The following FMN1 variants were observed in gnomAD, a reference collection of about 807,000 sequenced individuals.
FMN1 encodes formin 1.
A neutral mutation model predicts 132.4 loss-of-function variants in FMN1; 110 were observed. That is an observed-to-expected ratio of 0.83 (90% CI 0.71 to 0.97). The LOEUF (loss-of-function observed/expected upper bound fraction) is 0.97. Among genes scored for constraint, FMN1 ranks in the 50% least tolerant of loss-of-function variants. The pLI is 0.00. For synonymous variants in FMN1, 722 were observed against 651.7 expected, an observed-to-expected ratio of 1.11 and a Z score of -1.64; for missense variants, 1,792 against 1,705.3, an observed-to-expected ratio of 1.05 and a Z score of -0.90.
chr15:33,123,439 A>C (rs1962755988), intron 4 of FMN1, among the ~76,000 whole-genome samples: 1 of 152,210 alleles, frequency 6.6e-6, no homozygotes, highest in South Asian at 2.1e-4. Context: ...ACATGGCACT[A>C]AGCTAAGACT....
intron 19 of FMN1, among the ~76,000 whole-genome samples, chr15:32,795,754 C>T (rs1261026648): frequency 1.3e-5 from 2 of 152,202 alleles, no homozygotes; most frequent in African/African-American, 4.8e-5. Flanking sequence ...AGCACGATGA[C>T]TGAGTGGGTC....
At chr15:32,876,988 A>G (rs1340797823) in intron 16 of FMN1, among the ~76,000 whole-genome samples, 3 of 152,202 alleles carry the variant, frequency 2.0e-5, no homozygotes, top group Non-Finnish European at 4.4e-5. Flanking sequence ...TCTGCTCTAT[A>G]AAGACAGATG....
Position 32,774,003 on chromosome 15 carries a change from TA to T in FMN1, c.*306del. ...TTATAAAGCTGGAAATCTCAGCTTT[TA>T]AAAAAATTTTGGAAACATTTTGGTA... On this transcript the variant is annotated 3_prime_UTR_variant, in exon 21 of 21. Transcript: ENST00000616417. 1.1e-5 allele frequency: 4 copies of T among 377,542 alleles called. No individual in the cohort carries two copies. Among genetic ancestry groups the T allele is most frequent in the South Asian group, 7.2e-5 (2 of 27,694 alleles). 23.4% of individuals were successfully genotyped at this position (377,542 alleles called of 1,614,324 possible).
At chr15:32,928,135 C>T (rs370308771) in intron 9 of FMN1, among the ~76,000 whole-genome samples, 6 of 151,740 alleles carry the variant, frequency 4.0e-5, no homozygotes, top group Admixed American at 2.0e-4. Context: ...TTTCATATAA[C>T]GATTAGACCT....
intron 11 of FMN1, among the ~76,000 whole-genome samples, chr15:32,910,069 C>G (rs1160195282): frequency 6.6e-6 from 1 of 152,192 alleles, no homozygotes; most frequent in Non-Finnish European, 1.5e-5. Context: ...TTCCCACATT[C>G]AATATCATCA....
chr15:33,185,455 ATTACC>A (rs1965847140), intron 2 of FMN1, among the ~76,000 whole-genome samples: 1 of 151,872 alleles, frequency 6.6e-6, no homozygotes, highest in Non-Finnish European at 1.5e-5. Context: ...GAAAATTTTA[ATTACC>A]GTTAATTCCA....
chr15:33,060,255 T>C (rs1243639329), intron 6 of FMN1, among the ~76,000 whole-genome samples: 1 of 152,118 alleles, frequency 6.6e-6, no homozygotes, highest in Non-Finnish European at 1.5e-5. Flanking sequence ...TAAAGGAAAA[T>C]CCATTGCTGA....
At chr15:32,893,383 C>T (rs1325976758) in intron 15 of FMN1, among the ~76,000 whole-genome samples, 6 of 148,932 alleles carry the variant, frequency 4.0e-5, no homozygotes, top group Admixed American at 1.3e-4. Context: ...TGTGTGTGTG[C>T]GCGCTCGTGC....
At chr15:32,788,409 A>G (rs1299526044) in intron 19 of FMN1, among the ~76,000 whole-genome samples, 1 of 152,242 alleles carries the variant, frequency 6.6e-6, no homozygotes, top group African/African-American at 2.4e-5. Context: ...GATAATGAAG[A>G]CATGCATGTG....
chr15:33,010,284 T>A (rs1219056892), intron 6 of FMN1, among the ~76,000 whole-genome samples: 2 of 151,960 alleles, frequency 1.3e-5, no homozygotes, highest in Non-Finnish European at 2.9e-5. Context: ...CAGATCAGAA[T>A]AGTAGTTGCC....
intron 9 of FMN1, among the ~76,000 whole-genome samples, chr15:32,952,871 G>A (rs1368357977): frequency 6.6e-6 from 1 of 152,210 alleles, no homozygotes. Context: ...GGCGAAGGGA[G>A]GGATCAAAAT....
intron 17 of FMN1, among the ~76,000 whole-genome samples, chr15:32,839,982 C>G (rs747175473): frequency 7.2e-5 from 11 of 152,178 alleles, no homozygotes; most frequent in Non-Finnish European, 2.9e-5. Flanking sequence ...TCCCTGTGAG[C>G]ATTTATTTGC....
chr15:32,949,964 T>C lies in FMN1; in HGVS notation c.3138+14143A>G, dbSNP rs376440440. Among the ~76,000 whole-genome samples, 70 of 33,560 alleles carry C rather than the reference T, an allele frequency of 2.1e-3. 3 individuals are homozygous for C. Among genetic ancestry groups the C allele is most frequent in the African/African-American group, 7.4e-3 (51 of 6,892 alleles). 22.0% of individuals were successfully genotyped at this position (33,560 alleles called of 152,430 possible). Reference sequence around the variant, plus strand: ...GCATATATATATATATATATATATATACACACATATATATACACACACATA... The same window carrying C: ...GCATATATATATATATATATATATACACACACATATATATACACACACATA... On this transcript the variant is annotated intron_variant, in intron 9 of 20. Transcript: ENST00000616417.
intron 10 of FMN1, 107 bp downstream of exon 10, chr15:32,926,067 T>A: frequency 1.5e-6 from 1 of 678,400 alleles, no homozygotes; most frequent in Non-Finnish European, 2.6e-6. Flanking sequence ...ATTGGGTATA[T>A]AGGATTCATT....
intron 4 of FMN1, 59 bp from the exon 5 acceptor site, chr15:33,089,033 A>G: frequency 7.0e-7 from 1 of 1,437,990 alleles, no homozygotes; most frequent in Non-Finnish European, 9.2e-7. Context: ...AAATAAATAA[A>G]GCCATATTTG....
At chr15:33,009,922 C>A (rs947265780) in intron 6 of FMN1, among the ~76,000 whole-genome samples, 2 of 151,966 alleles carry the variant, frequency 1.3e-5, no homozygotes, top group Admixed American at 6.5e-5. Flanking sequence ...GAGTTTCACT[C>A]GTTTCCCAGG....
At chr15:33,020,704 G>A (rs940262220) in intron 6 of FMN1, among the ~76,000 whole-genome samples, 14 of 151,270 alleles carry the variant, frequency 9.3e-5, no homozygotes, top group African/African-American at 1.5e-4. Context: ...CAGTGTCTCC[G>A]TGTGCCAGGC....
At chr15:32,842,115 G>A (rs991224474) in intron 17 of FMN1, among the ~76,000 whole-genome samples, 4 of 152,178 alleles carry the variant, frequency 2.6e-5, no homozygotes, top group Non-Finnish European at 4.4e-5. Context: ...CAACAGTGAC[G>A]TGATGTTTCA....
At chr15:32,778,558 C>A (rs113571004) in intron 19 of FMN1, among the ~76,000 whole-genome samples, 1 of 151,906 alleles carries the variant, frequency 6.6e-6, no homozygotes, top group African/African-American at 2.4e-5. Flanking sequence ...AAAAGATGCT[C>A]AACATCATTA....
Sources: gnomAD v4.1 joint callset for allele counts (sites outside exome capture counted in the v4.1 genomes callset) on GRCh38, gnomAD v4.1.1 for gene constraint, MANE v1.5 for transcripts, NCBI Gene and HGNC (gene_info 2026-07-23, HGNC 2026-07-21) for gene names.